The following SHD variants were observed in gnomAD, a reference collection of about 807,000 sequenced individuals.
SHD encodes SH2 domain-containing adapter protein D.
Under a neutral mutation model 31.2 loss-of-function variants are expected in SHD, and 29 were observed. That is an observed-to-expected ratio of 0.93 (90% CI 0.69 to 1.27). The LOEUF (loss-of-function observed/expected upper bound fraction) is 1.27. SHD is among the 50% of genes most tolerant of loss of function. The pLI is 0.00. For missense variants in SHD, 520 were observed against 453.8 expected, an observed-to-expected ratio of 1.15 and a Z score of -1.33; for synonymous variants, 208 against 187.8, an observed-to-expected ratio of 1.11 and a Z score of -0.88.
At position 4,280,117 on chromosome 19, in the gene SHD, G is replaced by A. The variant is rs374201916; in HGVS notation, c.54G>A (p.Pro18=). 2.4e-5 allele frequency: 39 copies of A among 1,611,990 alleles called. No individual in the cohort carries two copies. The African/African-American group carries it at 4.3e-4, about 18-fold the overall frequency. ...GCTTTGGGGGTCGGAGGCCCCCTCC[G>A]CAGCCGCCCACCCCGGACTACACCG... ...YLSFGGRRPP[P]QPPTPDYTES... Residue 18 remains proline (P), a synonymous_variant, in exon 1 of 6, where the codon CCG becomes CCA. Transcript: ENST00000543264.
intron 4 of SHD, among the ~76,000 whole-genome samples, chr19:4,286,669 G>T (rs922347478): frequency 1.3e-5 from 2 of 152,048 alleles, no homozygotes; most frequent in South Asian, 4.1e-4. Context: ...GGAGGCCGGG[G>T]TGGGCAGATC....
In SHD at chr19:4,280,060, C is replaced by G; in HGVS notation, c.-4C>G. ...GTGGCCCGATTGGGGTGACAGGCGC[C>G]CAAATGGCCAAGTGGCTACGGGACT... On this transcript the variant is annotated 5_prime_UTR_variant, in exon 1 of 6. Coordinates refer to ENST00000543264, the MANE Select transcript of SHD (RefSeq NM_020209.4). 6.3e-7 allele frequency: 1 copy of G among 1,594,290 alleles called. No individual in the cohort carries two copies. The highest frequency in any genetic ancestry group is 1.7e-4 in the Middle Eastern group (1 of 5,906).
In SHD at chr19:4,290,538, C is replaced by A; in HGVS notation, c.928C>A (p.Pro310Thr). The A allele has an allele frequency of 6.2e-7, 1 of 1,613,666 alleles. No homozygotes were observed. The highest frequency in any genetic ancestry group is 8.5e-7 in the Non-Finnish European group (1 of 1,180,012). ...ACACAGCGGGCCCTTCCCCAGCGTG[C>A]CCGAGCTCGTCCTCCACTACAGTTC... Reference protein sequence around the residue: ...GQHSGPFPSVPELVLHYSSRP... With the variant: ...GQHSGPFPSVTELVLHYSSRP... The change falls in exon 6 of 6, where the codon CCC (proline) becomes ACC (threonine). Residue 310 changes from proline to threonine, a missense_variant. By Grantham distance (38) the Pro-to-Thr change is conservative. Transcript: ENST00000543264.
rs1436942083 is a variant in SHD at position 4,280,306 on chromosome 19, G to A, written c.243G>A (p.Val81=). ...CTCCCAAGCACCGGCTCATCAAGGT[G>A]GAGGCTGCGGATATGGCCAGAGCCA... The part of the protein sequence containing the change: ...YGSPKHRLIK[V]EAADMARAKA... Residue 81 remains valine (V), a synonymous_variant, in exon 1 of 6, where the codon GTG becomes GTA. Coordinates refer to ENST00000543264, the MANE Select transcript of SHD (RefSeq NM_020209.4). 1.2e-6 allele frequency: 2 copies of A among 1,606,184 alleles called. No individual in the cohort carries two copies. The highest frequency in any genetic ancestry group is 1.1e-5 in the South Asian group (1 of 89,938).
At chr19:4,288,430 A>G in intron 5 of SHD, 68 bp downstream of exon 5, 1 of 1,487,316 alleles carries the variant, frequency 6.7e-7, no homozygotes. Flanking sequence ...GGGTTAATTC[A>G]GAGGGAAGGG....
Position 4,280,003 on chromosome 19 carries a change from C to A in SHD, c.-61C>A. On this transcript the variant is annotated 5_prime_UTR_variant, in exon 1 of 6. Transcript: ENST00000543264. ...CCTCCTCCTCCTTGGGGAAAGGGGC[C>A]CGGAGAAGGGCATGTGGGGGCCCCT... is the stretch of plus-strand genomic sequence containing the variant. The A allele has an allele frequency of 6.7e-7, 1 of 1,488,640 alleles. No homozygotes were observed. The highest frequency in any genetic ancestry group is 8.9e-7 in the Non-Finnish European group (1 of 1,119,442). The allele number at this position is 1,488,640 out of a possible 1,614,324, so 92.2% of individuals were successfully genotyped here.
At chr19:4,286,832 A>T (rs922326540) in intron 4 of SHD, among the ~76,000 whole-genome samples, 1 of 151,814 alleles carries the variant, frequency 6.6e-6, no homozygotes, top group Non-Finnish European at 1.5e-5. Flanking sequence ...GTGAGCTGAG[A>T]TCACGCCACT....
chr19:4,288,402 T>C (rs1187246371), intron 5 of SHD, 40 bp downstream of exon 5: 1 of 1,587,086 alleles, frequency 6.3e-7, no homozygotes, highest in African/African-American at 1.4e-5. Flanking sequence ...GTCACAGGAT[T>C]GCGTGAGTCA....
chr19:4,285,023 C>A (rs944684292), intron 4 of SHD, 119 bp downstream of exon 4: 11 of 1,220,882 alleles, frequency 9.0e-6, no homozygotes, highest in Non-Finnish European at 1.2e-5. Flanking sequence ...TCGATTCATT[C>A]ATCCACTTAT....
At chr19:4,283,800 G>A (rs992609320) in intron 3 of SHD, among the ~76,000 whole-genome samples, 3 of 150,750 alleles carry the variant, frequency 2.0e-5, no homozygotes, top group Admixed American at 2.0e-4. Flanking sequence ...GGATGGTCTC[G>A]ATCTTCTGAC....
Position 4,282,995 on chromosome 19 carries a change from G to A in SHD, c.403+20G>A. Reference sequence around the variant, plus strand: ...TGAGTGGTGAGTAGGCACGGCTTGGGGGAAGGTGACAGGGTCCCAGATGGG... The same window carrying A: ...TGAGTGGTGAGTAGGCACGGCTTGGAGGAAGGTGACAGGGTCCCAGATGGG... On this transcript the variant is annotated intron_variant, in intron 2 of 5. Transcript: ENST00000543264. The A allele has an allele frequency of 6.2e-7, 1 of 1,614,058 alleles. No individual in the cohort carries two copies.
chr19:4,287,799 A>C lies in SHD; in HGVS notation c.717-444A>C, dbSNP rs539551900. On this transcript the variant is annotated intron_variant, in intron 4 of 5. Coordinates refer to ENST00000543264, the MANE Select transcript of SHD (RefSeq NM_020209.4). Reference sequence around the variant, plus strand: ...ACTCTGTCTCAAAAAAAAAGAAAAAAGAAAACTCCAAGGGAATTGTCCTTC... The same window carrying C: ...ACTCTGTCTCAAAAAAAAAGAAAAACGAAAACTCCAAGGGAATTGTCCTTC... 2.3e-4 allele frequency among the ~76,000 whole-genome samples: 35 copies of C among 152,150 alleles called. No individual in the cohort carries two copies. The South Asian group carries it at 7.1e-3, about 31-fold the overall frequency.
intron 1 of SHD, among the ~76,000 whole-genome samples, chr19:4,282,492 G>T (rs1451793108): frequency 2.0e-5 from 3 of 152,042 alleles, no homozygotes. Flanking sequence ...TTGGGAGCCC[G>T]AGGCGGGCAG....
intron 4 of SHD, among the ~76,000 whole-genome samples, chr19:4,286,524 T>C (rs1971320765): frequency 6.6e-6 from 1 of 152,018 alleles, no homozygotes; most frequent in African/African-American, 2.4e-5. Context: ...TTTCTTTCAT[T>C]GTGAACAACA....
chr19:4,284,867 G>C lies in SHD; in HGVS notation c.679G>C (p.Glu227Gln). 6.2e-7 allele frequency: 1 copy of C among 1,612,172 alleles called. No homozygotes were observed. The highest frequency in any genetic ancestry group is 8.5e-7 in the Non-Finnish European group (1 of 1,179,304). The change falls in exon 4 of 6, where the codon GAG becomes CAG. Residue 227 changes from glutamate (E) to glutamine (Q), a missense_variant. Coordinates refer to ENST00000543264, the MANE Select transcript of SHD (RefSeq NM_020209.4). ...TCCGCCCAGAAGCCCCCAGCCTGCGGAGCGTGTGGACCCAGCCCTGCCCCT... is the reference window on the plus strand; with the variant it reads ...TCCGCCCAGAAGCCCCCAGCCTGCGCAGCGTGTGGACCCAGCCCTGCCCCT... ...RPPPRSPQPA[E>Q]RVDPALPLEK... is the part of the protein sequence containing the mutation.
intron 3 of SHD, among the ~76,000 whole-genome samples, chr19:4,284,097 A>T (rs906769316): frequency 7.9e-5 from 12 of 151,750 alleles, no homozygotes; most frequent in Non-Finnish European, 1.5e-4. Flanking sequence ...TGAGGTCAGG[A>T]GTTCGAGACC....
intron 3 of SHD, chr19:4,284,485 C>T (rs1390077926): frequency 1.3e-5 from 3 of 238,268 alleles, no homozygotes; most frequent in African/African-American, 6.7e-5. Flanking sequence ...TGGGCTGAAC[C>T]CCAGAAGGGG....
At chr19:4,282,451 C>G (rs1971265371) in intron 1 of SHD, among the ~76,000 whole-genome samples, 1 of 151,530 alleles carries the variant, frequency 6.6e-6, no homozygotes, top group Non-Finnish European at 1.5e-5. Flanking sequence ...CTCAGCTGGG[C>G]GCGGTTGCTC....
At chr19:4,283,643 A>T (rs546895258) in intron 3 of SHD, among the ~76,000 whole-genome samples, 1 of 151,718 alleles carries the variant, frequency 6.6e-6, no homozygotes, top group Admixed American at 6.6e-5. Flanking sequence ...CAGTGGCGTG[A>T]TCTCGGCTCA....
Sources: gnomAD v4.1 joint callset for allele counts (sites outside exome capture counted in the v4.1 genomes callset) on GRCh38, gnomAD v4.1.1 for gene constraint, MANE v1.5 for transcripts, NCBI Gene and HGNC (gene_info 2026-07-23, HGNC 2026-07-21) for gene names.